The following PAPPA2 variants were observed in gnomAD, a reference collection of about 807,000 sequenced individuals.
PAPPA2 encodes the protein pappalysin-2.
PAPPA2 carries 86 observed loss-of-function variants against 176.4 expected under a neutral mutation model. The observed-to-expected ratio is 0.49, with a 90% CI of 0.41 to 0.58. PAPPA2 has a LOEUF of 0.58. Ranked by LOEUF, PAPPA2 falls within the 20% of genes least tolerant of loss-of-function variation. PAPPA2 has a pLI of 0.00. For missense variants in PAPPA2, 2,073 were observed against 2,256.9 expected (o/e 0.92, Z 1.65); for synonymous variants, 809 against 852.2 (o/e 0.95, Z 0.88).
intron 20 of PAPPA2, among the ~76,000 whole-genome samples, chr1:176,798,768 A>T (rs997710554): frequency 6.6e-6 from 1 of 152,210 alleles, no homozygotes; most frequent in Admixed American, 6.5e-5. Context: ...TTATTTTGAT[A>T]ACCCCTTTTT....
At chr1:176,737,634 C>T (rs540780629) in intron 12 of PAPPA2, among the ~76,000 whole-genome samples, 2 of 152,148 alleles carry the variant, frequency 1.3e-5, no homozygotes, top group South Asian at 4.1e-4. Context: ...TGAGGTTTTC[C>T]TACTTAAGCC....
Position 176,776,717 on chromosome 1 carries a change from A to T in PAPPA2, c.4715+5537A>T, listed in dbSNP as rs529374866. ...GTTCTGTTGGGTATTGATGAGGATG[A>T]CTGTGGTGATGATGATTTGTCACTA... is the stretch of plus-strand genomic sequence containing the variant. On this transcript the variant is annotated intron_variant, in intron 17 of 22. Transcript: ENST00000367662. Among the ~76,000 whole-genome samples the T allele has an allele frequency of 6.6e-5, 10 of 152,154 alleles. No homozygotes were observed. The South Asian group carries it at 2.1e-3, about 32-fold the overall frequency.
intron 3 of PAPPA2, among the ~76,000 whole-genome samples, chr1:176,626,562 A>G (rs1352083413): frequency 6.6e-6 from 1 of 152,216 alleles, no homozygotes; most frequent in African/African-American, 2.4e-5. Flanking sequence ...GTGGTTATTT[A>G]TTTTACAAAA....
chr1:176,518,767 T>A (rs1649060107), intron 1 of PAPPA2, among the ~76,000 whole-genome samples: 1 of 152,188 alleles, frequency 6.6e-6, no homozygotes, highest in Admixed American at 6.6e-5. Context: ...GCTGTGAGAC[T>A]GCATTCCCAG....
intron 21 of PAPPA2, among the ~76,000 whole-genome samples, chr1:176,805,969 C>T (rs1357999371): frequency 8.7e-6 from 1 of 115,178 alleles, no homozygotes; most frequent in East Asian, 2.5e-4. Context: ...GCCTGGGTGC[C>T]AGAGCAAAAC....
intron 1 of PAPPA2, among the ~76,000 whole-genome samples, chr1:176,488,368 T>C (rs1282127632): frequency 6.6e-6 from 1 of 152,122 alleles, no homozygotes; most frequent in East Asian, 1.9e-4. Context: ...ATATAACATA[T>C]AAAATTAACT....
At chr1:176,525,199 C>T (rs1176778701) in intron 1 of PAPPA2, among the ~76,000 whole-genome samples, 1 of 152,206 alleles carries the variant, frequency 6.6e-6, no homozygotes, top group Non-Finnish European at 1.5e-5. Flanking sequence ...GCAAACGGCA[C>T]AATCATAACT....
At chr1:176,685,084 C>T (rs1659770521) in intron 4 of PAPPA2, among the ~76,000 whole-genome samples, 1 of 144,530 alleles carries the variant, frequency 6.9e-6, no homozygotes. Context: ...CCCCACCTTC[C>T]TTTTTTTTTT....
Position 176,719,550 on chromosome 1 carries a change from C to T in PAPPA2, c.3798+7569C>T, listed in dbSNP as rs1329952441. 2.6e-5 allele frequency among the ~76,000 whole-genome samples: 4 copies of T among 152,112 alleles called. No homozygotes were observed. The South Asian group carries it at 8.3e-4, about 32-fold the overall frequency. ...GAAATATCTCTGAGAGTTCCTTTAACGTAAGTTTTTTTCTTGACATCACTT... is the reference window on the plus strand; with the variant it reads ...GAAATATCTCTGAGAGTTCCTTTAATGTAAGTTTTTTTCTTGACATCACTT... On this transcript the variant is annotated intron_variant, in intron 12 of 22. Transcript: ENST00000367662.
At chr1:176,753,554 CTTTTTTT>C (rs77817405) in intron 14 of PAPPA2, among the ~76,000 whole-genome samples, 3 of 73,498 alleles carry the variant, frequency 4.1e-5, no homozygotes, top group Non-Finnish European at 7.6e-5. Flanking sequence ...AAGGCTCCTC[CTTTTTTT>C]TTTTTTTTTT....
At chr1:176,621,583 G>A (rs1029479863) in intron 3 of PAPPA2, among the ~76,000 whole-genome samples, 35 of 152,118 alleles carry the variant, frequency 2.3e-4, no homozygotes, top group African/African-American at 8.4e-4. Flanking sequence ...GAGAAAGAAC[G>A]CAATGGTGGT....
chr1:176,743,818 AT>A lies in PAPPA2; in HGVS notation c.4151+3623del, dbSNP rs546971014. ...TCTCCTATCGAATTTTGTTCTTCCA[AT>A]CACATGGATAAAATGAAAAAATTGA... On this transcript the variant is annotated intron_variant, in intron 14 of 22. Coordinates refer to ENST00000367662, the MANE Select transcript of PAPPA2 (RefSeq NM_020318.3). Among the ~76,000 whole-genome samples the A allele has an allele frequency of 5.9e-5, 9 of 152,316 alleles. No individual in the cohort carries two copies. In the South Asian group the frequency reaches 1.9e-3, roughly 32 times the overall value.
Position 176,556,260 on chromosome 1 carries a change from C to T in PAPPA2, c.-63C>T. On this transcript the variant is annotated 5_prime_UTR_variant, in exon 2 of 23. Coordinates refer to ENST00000367662, the MANE Select transcript of PAPPA2 (RefSeq NM_020318.3). ...TGCTAGCTGCCTCTTTCTCGTCTGC[C>T]CATCACTCTGGTGTGGTACCCAGAA... 6.5e-7 allele frequency: 1 copy of T among 1,528,456 alleles called. No individual in the cohort carries two copies. The highest frequency in any genetic ancestry group is 8.9e-7 in the Non-Finnish European group (1 of 1,129,872). The allele number at this position is 1,528,456 out of a possible 1,614,324, so 94.7% of individuals were successfully genotyped here.
intron 20 of PAPPA2, among the ~76,000 whole-genome samples, chr1:176,796,133 T>C (rs1415382403): frequency 1.3e-5 from 2 of 152,210 alleles, no homozygotes; most frequent in Non-Finnish European, 2.9e-5. Context: ...TGACACTGGC[T>C]GCAGATCATT....
intron 1 of PAPPA2, among the ~76,000 whole-genome samples, chr1:176,478,675 T>G (rs1363214963): frequency 6.6e-6 from 1 of 152,210 alleles, no homozygotes; most frequent in East Asian, 1.9e-4. Context: ...CTTGAGACAT[T>G]GATTAGGCAA....
intron 21 of PAPPA2, among the ~76,000 whole-genome samples, chr1:176,826,876 G>A (rs1005334226): frequency 1.3e-5 from 2 of 152,222 alleles, no homozygotes; most frequent in Non-Finnish European, 2.9e-5. Context: ...TTCTCACTGT[G>A]AGCTGGGACA....
At chr1:176,730,599 G>GT (rs58801431) in intron 12 of PAPPA2, among the ~76,000 whole-genome samples, 32,624 of 142,742 alleles carry the variant, frequency 0.23, 4,153 homozygotes, top group African/African-American at 0.35. Context: ...TTTGTTTTTT[G>GT]TTTTTTTTTT....
At chr1:176,682,168 T>C (rs1056962915) in intron 4 of PAPPA2, among the ~76,000 whole-genome samples, 2 of 152,178 alleles carry the variant, frequency 1.3e-5, no homozygotes, top group African/African-American at 4.8e-5. Flanking sequence ...TCCACTGATA[T>C]AGTAAGTGGG....
intron 2 of PAPPA2, among the ~76,000 whole-genome samples, chr1:176,581,937 T>G (rs1416686809): frequency 2.1e-5 from 3 of 140,736 alleles, no homozygotes; most frequent in Admixed American, 7.1e-5. Context: ...TTTTTTTTTT[T>G]TTTTGAGACG....
Sources: gnomAD v4.1 joint callset for allele counts (sites outside exome capture counted in the v4.1 genomes callset) on GRCh38, gnomAD v4.1.1 for gene constraint, MANE v1.5 for transcripts, NCBI Gene and HGNC (gene_info 2026-07-23, HGNC 2026-07-21) for gene names.